SAMMSON: variants seen among roughly 807,000 people sequenced by gnomAD.
The protein encoded by SAMMSON is survival associated mitochondrial melanoma specific oncogenic non-coding RNA.
chr3:70,309,062 TA>T (rs755695197), intron 7 of SAMMSON, among the ~76,000 whole-genome samples: 154 of 152,194 alleles, frequency 1.0e-3, no homozygotes, highest in Non-Finnish European at 1.7e-3. Flanking sequence ...GTATCTGTAT[TA>T]TTTTTTTAAG....
At chr3:70,017,777 A>G (rs1015881776) in intron 3 of SAMMSON, among the ~76,000 whole-genome samples, 1 of 152,122 alleles carries the variant, frequency 6.6e-6, no homozygotes, top group Non-Finnish European at 1.5e-5. Context: ...TAATTTATTG[A>G]TAGGTTTTAG....
At chr3:70,281,165 C>A (rs1447437501) in intron 6 of SAMMSON, among the ~76,000 whole-genome samples, 1 of 152,086 alleles carries the variant, frequency 6.6e-6, no homozygotes, top group African/African-American at 2.4e-5. Context: ...TCTCTTGGCC[C>A]CTACAATTTT....
chr3:70,070,066 G>C (rs977921501), intron 3 of SAMMSON: 1 of 151,818 alleles, frequency 6.6e-6, no homozygotes, highest in African/African-American at 2.4e-5. Context: ...TCCATTCCTC[G>C]GAGTGCGAAA....
At chr3:70,423,118 G>A (rs1701325453) in intron 2 of SAMMSON, among the ~76,000 whole-genome samples, 1 of 151,982 alleles carries the variant, frequency 6.6e-6, no homozygotes, top group African/African-American at 2.4e-5. Context: ...AAATAGATAT[G>A]TGTACATGAA....
chr3:70,166,310 C>T (rs1283059535), intron 4 of SAMMSON, among the ~76,000 whole-genome samples: 1 of 151,912 alleles, frequency 6.6e-6, no homozygotes, highest in African/African-American at 2.4e-5. Context: ...AAGGATGAGG[C>T]TTTGTGGTAA....
intron 6 of SAMMSON, among the ~76,000 whole-genome samples, chr3:70,286,943 T>C (rs1702171655): frequency 6.6e-6 from 1 of 151,524 alleles, no homozygotes; most frequent in African/African-American, 2.4e-5. Context: ...CTTATCAGCT[T>C]AAGGAGATTT....
chr3:70,085,221 GA>G (rs1187945372), intron 4 of SAMMSON, among the ~76,000 whole-genome samples: 2 of 152,204 alleles, frequency 1.3e-5, no homozygotes, highest in African/African-American at 4.8e-5. Flanking sequence ...TCCCAATCCT[GA>G]AAAAAATATT....
At chr3:70,154,280 T>C (rs1253863034) in intron 4 of SAMMSON, among the ~76,000 whole-genome samples, 1 of 152,056 alleles carries the variant, frequency 6.6e-6, no homozygotes, top group Non-Finnish European at 1.5e-5. Context: ...CATGTGTTAG[T>C]TTACTTAATT....
chr3:70,287,239 C>T (rs982914790), intron 6 of SAMMSON, among the ~76,000 whole-genome samples: 1 of 138,930 alleles, frequency 7.2e-6, no homozygotes, highest in Non-Finnish European at 1.6e-5. Context: ...CCCATCAATA[C>T]CTAATTTATT....
At chr3:70,275,415 T>A (rs986075926) in intron 6 of SAMMSON, among the ~76,000 whole-genome samples, 3 of 152,144 alleles carry the variant, frequency 2.0e-5, no homozygotes, top group Non-Finnish European at 2.9e-5. Context: ...CTAGGGAGGC[T>A]GAGGTGGGAG....
At chr3:70,089,708 C>T (rs1250237796) in intron 4 of SAMMSON, among the ~76,000 whole-genome samples, 3 of 151,898 alleles carry the variant, frequency 2.0e-5, no homozygotes, top group African/African-American at 4.8e-5. Flanking sequence ...CAAGGTGTTT[C>T]GGTAGGGGCC....
chr3:70,039,593 TCACACACACACACACACACACACACACA>T (rs56058406), intron 3 of SAMMSON, among the ~76,000 whole-genome samples: 5 of 135,704 alleles, frequency 3.7e-5, no homozygotes, highest in African/African-American at 1.4e-4. Context: ...ACACATCTCT[TCACACACACACACACACACACACACACA>T]CACACACACA....
intron 3 of SAMMSON, among the ~76,000 whole-genome samples, chr3:70,053,015 T>G (rs1361642157): frequency 1.3e-5 from 2 of 152,160 alleles, no homozygotes; most frequent in Non-Finnish European, 2.9e-5. Flanking sequence ...AAATGCGTAA[T>G]AAGCCTATCA....
chr3:70,277,416 C>T (rs1410026964), intron 6 of SAMMSON, among the ~76,000 whole-genome samples: 1 of 152,176 alleles, frequency 6.6e-6, no homozygotes, highest in East Asian at 1.9e-4. Flanking sequence ...GTCAAAGTCA[C>T]ACTGTTTGCT....
chr3:70,212,757 A>G (rs772042378), intron 4 of SAMMSON, among the ~76,000 whole-genome samples: 13 of 152,000 alleles, frequency 8.6e-5, no homozygotes, highest in Non-Finnish European at 1.3e-4. Context: ...CACAAGTATT[A>G]ATGGCTCACT....
intron 3 of SAMMSON, among the ~76,000 whole-genome samples, chr3:70,018,216 G>T (rs2066995283): frequency 2.0e-5 from 3 of 152,056 alleles, no homozygotes; most frequent in Admixed American, 6.6e-5. Flanking sequence ...TCTGGTTCTG[G>T]ACTTTTTTTG....
intron 7 of SAMMSON, among the ~76,000 whole-genome samples, chr3:70,299,508 A>G (rs111586210): frequency 2.4e-4 from 36 of 152,200 alleles, no homozygotes; most frequent in African/African-American, 6.0e-4. Flanking sequence ...TGAATCCAGA[A>G]ATCTCTGTAA....
At chr3:70,154,340 G>A (rs537486247) in intron 4 of SAMMSON, among the ~76,000 whole-genome samples, 2 of 151,966 alleles carry the variant, frequency 1.3e-5, no homozygotes, top group African/African-American at 4.8e-5. Flanking sequence ...ATCTTATAAA[G>A]AGTAAACTGA....
chr3:70,358,382 T>C lies in SAMMSON; in HGVS notation n.913+58T>C, dbSNP rs548913799. On this transcript the variant is annotated intron_variant and non_coding_transcript_variant, in intron 9 of 9. Transcript: ENST00000642114. ...ACACTACAGAAATTGGCAAAAGCTA[T>C]GATTTAGTGCTTTTTCCTCCTGAAA... 2.0e-5 allele frequency: 3 copies of C among 152,276 alleles called. No homozygotes were observed. The South Asian group carries it at 6.2e-4, about 32-fold the overall frequency. 9.4% of individuals were successfully genotyped at this position (152,276 alleles called of 1,614,324 possible).
Sources: gnomAD v4.1 joint callset for allele counts (sites outside exome capture counted in the v4.1 genomes callset) on GRCh38, gnomAD v4.1.1 for gene constraint, MANE v1.5 for transcripts, NCBI Gene and HGNC (gene_info 2026-07-23, HGNC 2026-07-21) for gene names.